PDZRN4: variants seen among roughly 807,000 people sequenced by gnomAD.
The protein encoded by PDZRN4 is PDZ domain containing ring finger 4.
A neutral mutation model predicts 99.0 loss-of-function variants in PDZRN4; 70 were observed. That is an observed-to-expected ratio of 0.71 (90% CI 0.58 to 0.86). PDZRN4 has a LOEUF of 0.86. Among genes scored for constraint, PDZRN4 ranks in the 40% least tolerant of loss-of-function variants. The pLI is 0.00. For missense variants in PDZRN4, 1,474 were observed against 1,331.2 expected (o/e 1.11, Z -1.67); for synonymous variants, 551 against 501.6 (o/e 1.10, Z -1.32).
intron 3 of PDZRN4, among the ~76,000 whole-genome samples, chr12:41,318,196 C>G (rs41524146): frequency 0.048 from 7,238 of 152,120 alleles, 575 homozygotes; most frequent in African/African-American, 0.17. Context: ...GATCAGTTTT[C>G]AGAAGATAAT....
intron 3 of PDZRN4, among the ~76,000 whole-genome samples, chr12:41,249,985 G>T (rs148732797): frequency 1.4e-3 from 208 of 152,310 alleles, no homozygotes; most frequent in African/African-American, 4.7e-3. Context: ...ATAGTCGTGA[G>T]ATAGAAATCT....
chr12:41,252,132 A>AAATC (rs1951175157), intron 3 of PDZRN4, among the ~76,000 whole-genome samples: 1 of 147,210 alleles, frequency 6.8e-6, no homozygotes, highest in Admixed American at 6.7e-5. Context: ...ATAAATAAAT[A>AAATC]AATAATAAAA....
At chr12:41,274,786 C>T (rs1328489515) in intron 3 of PDZRN4, among the ~76,000 whole-genome samples, 1 of 152,148 alleles carries the variant, frequency 6.6e-6, no homozygotes, top group East Asian at 1.9e-4. Flanking sequence ...ATGAAGTATA[C>T]ACCCTTGAAA....
chr12:41,250,056 A>G (rs1468903521), intron 3 of PDZRN4, among the ~76,000 whole-genome samples: 2 of 152,200 alleles, frequency 1.3e-5, no homozygotes, highest in Non-Finnish European at 2.9e-5. Flanking sequence ...TGGTACAGAC[A>G]ACTATGGAGA....
chr12:41,198,705 A>G (rs561187187), intron 3 of PDZRN4, among the ~76,000 whole-genome samples: 3 of 151,518 alleles, frequency 2.0e-5, no homozygotes, highest in African/African-American at 7.3e-5. Context: ...GCACATGTAT[A>G]CATATGTAAC....
chr12:41,384,318 G>A (rs941263516), intron 3 of PDZRN4, among the ~76,000 whole-genome samples: 1 of 151,996 alleles, frequency 6.6e-6, no homozygotes, highest in Non-Finnish European at 1.5e-5. Flanking sequence ...GTAGACATCT[G>A]TACCACTCAC....
intron 6 of PDZRN4, among the ~76,000 whole-genome samples, chr12:41,553,146 A>G (rs1939087315): frequency 6.6e-6 from 1 of 152,186 alleles, no homozygotes; most frequent in African/African-American, 2.4e-5. Flanking sequence ...TTAAATTACT[A>G]CTCACAATAA....
At chr12:41,316,334 C>G (rs1338783672) in intron 3 of PDZRN4, among the ~76,000 whole-genome samples, 1 of 151,940 alleles carries the variant, frequency 6.6e-6, no homozygotes, top group Non-Finnish European at 1.5e-5. Flanking sequence ...TCTGCTTTTT[C>G]TTTCTTAATA....
intron 3 of PDZRN4, among the ~76,000 whole-genome samples, chr12:41,359,745 T>C (rs1196835282): frequency 1.8e-4 from 27 of 151,978 alleles, no homozygotes; most frequent in Admixed American, 1.8e-3. Context: ...TGTGAATCAA[T>C]TAAACCTCTT....
chr12:41,318,157 G>T (rs188338314), intron 3 of PDZRN4, among the ~76,000 whole-genome samples: 1 of 152,082 alleles, frequency 6.6e-6, no homozygotes, highest in Non-Finnish European at 1.5e-5. Flanking sequence ...TGTTTAGATC[G>T]TTTATTATTG....
At chr12:41,561,246 A>C (rs1165447679) in intron 7 of PDZRN4, among the ~76,000 whole-genome samples, 1 of 152,178 alleles carries the variant, frequency 6.6e-6, no homozygotes, top group Non-Finnish European at 1.5e-5. Flanking sequence ...ACCTTCTATA[A>C]ATTTCACTTT....
intron 3 of PDZRN4, among the ~76,000 whole-genome samples, chr12:41,208,206 C>T (rs752404646): frequency 6.6e-5 from 10 of 151,896 alleles, no homozygotes; most frequent in South Asian, 2.1e-4. Flanking sequence ...AAATATCTGA[C>T]GTGACAAAAT....
At chr12:41,200,436 A>T (rs891701569) in intron 3 of PDZRN4, among the ~76,000 whole-genome samples, 7 of 152,130 alleles carry the variant, frequency 4.6e-5, no homozygotes, top group Non-Finnish European at 7.4e-5. Flanking sequence ...AGATCCTTAT[A>T]CCATTGAGTG....
intron 8 of PDZRN4, among the ~76,000 whole-genome samples, chr12:41,567,021 A>G (rs1342261037): frequency 8.5e-5 from 13 of 152,180 alleles, no homozygotes; most frequent in Non-Finnish European, 2.9e-5. Flanking sequence ...GGATTTGTTC[A>G]GTTCAATTTG....
At chr12:41,208,561 C>T (rs1950865916) in intron 3 of PDZRN4, among the ~76,000 whole-genome samples, 1 of 151,896 alleles carries the variant, frequency 6.6e-6, no homozygotes, top group Non-Finnish European at 1.5e-5. Flanking sequence ...ATAATCACAA[C>T]CTAATGCATT....
At chr12:41,240,550 C>T (rs891267157) in intron 3 of PDZRN4, among the ~76,000 whole-genome samples, 4 of 152,178 alleles carry the variant, frequency 2.6e-5, no homozygotes, top group Non-Finnish European at 4.4e-5. Flanking sequence ...CTCAAATTGG[C>T]TGCCAATGAC....
intron 3 of PDZRN4, among the ~76,000 whole-genome samples, chr12:41,407,722 A>T (rs1209814257): frequency 6.8e-6 from 1 of 147,678 alleles, no homozygotes; most frequent in Non-Finnish European, 1.5e-5. Flanking sequence ...GAAAAAAAAA[A>T]AACAAATGGC....
intron 3 of PDZRN4, among the ~76,000 whole-genome samples, chr12:41,356,947 G>C (rs1286029148): frequency 6.6e-6 from 1 of 151,990 alleles, no homozygotes; most frequent in Non-Finnish European, 1.5e-5. Context: ...CAATCTGCAA[G>C]TCCACAGTTT....
At chr12:41,254,827 C>G (rs903797283) in intron 3 of PDZRN4, among the ~76,000 whole-genome samples, 1 of 152,210 alleles carries the variant, frequency 6.6e-6, no homozygotes, top group African/African-American at 2.4e-5. Context: ...CACAGTAGCT[C>G]ATGCCTGTAA....
Sources: allele counts gnomAD v4.1 joint callset (sites outside exome capture counted in the v4.1 genomes callset), GRCh38; gene constraint gnomAD v4.1.1; transcripts MANE v1.5; gene names NCBI Gene and HGNC (gene_info 2026-07-23, HGNC 2026-07-21).